FOXP2: variants seen among roughly 807,000 people sequenced by gnomAD.
The protein encoded by FOXP2 is forkhead box P2.
A neutral mutation model predicts 115.8 loss-of-function variants in FOXP2; 12 were observed. That is an observed-to-expected ratio of 0.10 (90% CI 0.07 to 0.17). The LOEUF is 0.17. Among genes scored for constraint, FOXP2 ranks in the 10% least tolerant of loss-of-function variants. The pLI is 1.00. For missense variants in FOXP2, 629 were observed against 843.5 expected, an observed-to-expected ratio of 0.75 and a Z score of 3.15; for synonymous variants, 328 against 297.7, an observed-to-expected ratio of 1.10 and a Z score of -1.05.
At chr7:114,237,573 C>T (rs1455081054) in intron 1 of FOXP2, among the ~76,000 whole-genome samples, 1 of 152,044 alleles carries the variant, frequency 6.6e-6, no homozygotes, top group Non-Finnish European at 1.5e-5. Flanking sequence ...CGTGCTCAGG[C>T]CTGCTCCCAC....
chr7:114,560,633 A>T (rs1800715712), intron 3 of FOXP2, among the ~76,000 whole-genome samples: 1 of 152,134 alleles, frequency 6.6e-6, no homozygotes, highest in Non-Finnish European at 1.5e-5. Flanking sequence ...CCGCCAAAAA[A>T]AAGAACTGAA....
At chr7:114,291,120 T>C (rs1246214419) in intron 2 of FOXP2, among the ~76,000 whole-genome samples, 1 of 152,172 alleles carries the variant, frequency 6.6e-6, no homozygotes, top group African/African-American at 2.4e-5. Context: ...GAATGGATTA[T>C]AAACAGAAAT....
intron 3 of FOXP2, among the ~76,000 whole-genome samples, chr7:114,625,486 A>G (rs1180546894): frequency 1.3e-5 from 2 of 151,872 alleles, no homozygotes; most frequent in Non-Finnish European, 3.0e-5. Context: ...AAAGGCTGAT[A>G]CTGATTTCGT....
intron 2 of FOXP2, among the ~76,000 whole-genome samples, chr7:114,467,787 A>T (rs557484988): frequency 6.6e-6 from 1 of 152,314 alleles, no homozygotes; most frequent in African/African-American, 2.4e-5. Context: ...TCATTTTTGA[A>T]AAGCATTAAC....
intron 1 of FOXP2, among the ~76,000 whole-genome samples, chr7:114,187,224 T>C (rs1793630776): frequency 6.6e-6 from 1 of 152,206 alleles, no homozygotes; most frequent in Non-Finnish European, 1.5e-5. Flanking sequence ...TATTTAATTA[T>C]AAACTCCATC....
At chr7:114,171,905 C>A (rs1344108429) in intron 1 of FOXP2, among the ~76,000 whole-genome samples, 3 of 152,082 alleles carry the variant, frequency 2.0e-5, no homozygotes, top group Non-Finnish European at 4.4e-5. Flanking sequence ...TTCATTCCAA[C>A]TCTTTTGGAT....
chr7:114,249,562 G>T (rs1795381986), intron 1 of FOXP2, among the ~76,000 whole-genome samples: 1 of 152,162 alleles, frequency 6.6e-6, no homozygotes, highest in East Asian at 1.9e-4. Flanking sequence ...TTGTATGGCT[G>T]CATAGTATTC....
chr7:114,272,549 A>G (rs1420068716), intron 1 of FOXP2, among the ~76,000 whole-genome samples: 4 of 151,826 alleles, frequency 2.6e-5, no homozygotes, highest in African/African-American at 7.2e-5. Flanking sequence ...TATTGACTCA[A>G]TTTCTTTAAT....
rs150596492 is a variant in FOXP2, at chr7:114,292,930, G to A, written c.-11+4821G>A. Among the ~76,000 whole-genome samples the A allele has an allele frequency of 2.8e-3, 421 of 152,300 alleles. 2 individuals carry two copies. The highest frequency in any genetic ancestry group is 9.3e-3 in the African/African-American group (386 of 41,570). Reference sequence around the variant, plus strand: ...ATATTTCAGAAGATGTTCTTTATAAGTTATTCATTCGTATATTGGCTCAGT... The same window carrying A: ...ATATTTCAGAAGATGTTCTTTATAAATTATTCATTCGTATATTGGCTCAGT... On this transcript the variant is annotated intron_variant, in intron 2 of 17. Transcript: ENST00000634411.
At chr7:114,440,625 A>G (rs550261379) in intron 2 of FOXP2, among the ~76,000 whole-genome samples, 24 of 152,188 alleles carry the variant, frequency 1.6e-4, no homozygotes, top group Non-Finnish European at 2.8e-4. Context: ...AACAATCTAA[A>G]TTGTTATATT....
At chr7:114,168,567 G>C (rs1165130329) in intron 1 of FOXP2, among the ~76,000 whole-genome samples, 1 of 152,078 alleles carries the variant, frequency 6.6e-6, no homozygotes, top group Non-Finnish European at 1.5e-5. Flanking sequence ...GCTGTTAAAG[G>C]CATTCAATTT....
At chr7:114,266,120 A>G (rs1395682411) in intron 1 of FOXP2, among the ~76,000 whole-genome samples, 1 of 151,872 alleles carries the variant, frequency 6.6e-6, no homozygotes, top group Non-Finnish European at 1.5e-5. Flanking sequence ...TTTACTGTCC[A>G]TATCACTATT....
At chr7:114,400,472 G>C (rs1297481144) in intron 2 of FOXP2, among the ~76,000 whole-genome samples, 1 of 152,046 alleles carries the variant, frequency 6.6e-6, no homozygotes, top group South Asian at 2.1e-4. Flanking sequence ...AGATGTTAAA[G>C]AAAAACATAT....
intron 2 of FOXP2, among the ~76,000 whole-genome samples, chr7:114,324,085 T>C (rs568862575): frequency 2.6e-5 from 4 of 152,060 alleles, no homozygotes; most frequent in Non-Finnish European, 5.9e-5. Flanking sequence ...ACACATAGAA[T>C]CTGTTGTTGG....
At chr7:114,181,166 T>C (rs1010166918) in intron 1 of FOXP2, among the ~76,000 whole-genome samples, 1 of 151,754 alleles carries the variant, frequency 6.6e-6, no homozygotes, top group African/African-American at 2.4e-5. Flanking sequence ...GTGCATAGCA[T>C]TGCTTTTCTG....
intron 2 of FOXP2, among the ~76,000 whole-genome samples, chr7:114,393,580 G>A (rs972232823): frequency 6.6e-6 from 1 of 151,928 alleles, no homozygotes; most frequent in Non-Finnish European, 1.5e-5. Context: ...CTGGTGTGGG[G>A]AGTCAAAACC....
At chr7:114,250,934 T>C (rs1795425324) in intron 1 of FOXP2, among the ~76,000 whole-genome samples, 1 of 152,240 alleles carries the variant, frequency 6.6e-6, no homozygotes, top group Non-Finnish European at 1.5e-5. Context: ...GTTTTAAGTC[T>C]AACATTTAAG....
chr7:114,549,797 A>G lies in FOXP2; in HGVS notation c.258+15091A>G, dbSNP rs575755157. Among the ~76,000 whole-genome samples, 602 of 151,588 alleles carry G rather than the reference A, an allele frequency of 4.0e-3. 8 individuals are homozygous for G. The highest frequency in any genetic ancestry group is 0.014 in the African/African-American group (575 of 41,164). On this transcript the variant is annotated intron_variant, in intron 3 of 16. Coordinates refer to ENST00000350908, the MANE Select transcript of FOXP2 (RefSeq NM_014491.4). Reference sequence around the variant, plus strand: ...ATTTTGTCTTTCAAATTAAAAAAAAATAGTATAATAAACCTTTCTTTAAAG... The same window carrying G: ...ATTTTGTCTTTCAAATTAAAAAAAAGTAGTATAATAAACCTTTCTTTAAAG...
chr7:114,154,323 T>C (rs752080303), intron 1 of FOXP2, among the ~76,000 whole-genome samples: 34 of 152,014 alleles, frequency 2.2e-4, no homozygotes, highest in South Asian at 1.2e-3. Context: ...CAGGGCAATA[T>C]AGATAAGGTG....
Sources: allele counts gnomAD v4.1 joint callset (sites outside exome capture counted in the v4.1 genomes callset), GRCh38; gene constraint gnomAD v4.1.1; transcripts MANE v1.5; gene names NCBI Gene and HGNC (gene_info 2026-07-23, HGNC 2026-07-21).